Variants in MACF1 observed in about 807,000 individuals in gnomAD.
The protein encoded by MACF1 is microtubule-actin cross-linking factor 1.
A neutral mutation model predicts 854.8 loss-of-function variants in MACF1; 193 were observed. That is an observed-to-expected ratio of 0.23 (90% CI 0.20 to 0.25). The LOEUF is 0.25. MACF1 is among the 10% of genes least tolerant of loss of function. The pLI is 1.00. For synonymous variants in MACF1, 3,185 were observed against 3,226.7 expected (o/e 0.99, Z 0.44); for missense variants, 7,722 against 8,929.1 (o/e 0.86, Z 5.45).
chr1:39,431,647 A>G (rs1294578434), intron 66 of MACF1, among the ~76,000 whole-genome samples: 2 of 152,114 alleles, frequency 1.3e-5, no homozygotes, highest in Non-Finnish European at 2.9e-5. Context: ...GTAAGTGTAT[A>G]TTGGCCAAGT....
intron 58 of MACF1, among the ~76,000 whole-genome samples, chr1:39,391,050 G>A (rs1642014284): frequency 6.6e-6 from 1 of 151,688 alleles, no homozygotes. Context: ...GGTGGAGCTT[G>A]CAGTGAGCCA....
intron 4 of MACF1, among the ~76,000 whole-genome samples, chr1:39,252,896 G>A (rs537892725): frequency 2.7e-4 from 41 of 152,276 alleles, no homozygotes; most frequent in African/African-American, 9.9e-4. Flanking sequence ...CCCAGAAGAT[G>A]CTTCCATCCT....
intron 2 of MACF1, among the ~76,000 whole-genome samples, chr1:39,198,576 G>A (rs926958460): frequency 1.4e-4 from 21 of 151,062 alleles, no homozygotes; most frequent in Non-Finnish European, 2.4e-4. Context: ...GCTTGGAGCC[G>A]GGAGACGGAG....
chr1:39,390,743 GAAT>G (rs1242170753), intron 58 of MACF1, among the ~76,000 whole-genome samples: 4 of 152,146 alleles, frequency 2.6e-5, no homozygotes, highest in Non-Finnish European at 4.4e-5. Flanking sequence ...AGGCTATTTA[GAAT>G]TAACCATCTA....
chr1:39,187,895 T>TCTGTCTCTCTCTCTCTC (rs1553160207), intron 2 of MACF1, among the ~76,000 whole-genome samples: 4 of 68,398 alleles, frequency 5.8e-5, no homozygotes, highest in Non-Finnish European at 1.1e-4. Flanking sequence ...TCTCTCTCTC[T>TCTGTCTCTCTCTCTCTC]CTCTCTCCTC....
At chr1:39,399,601 T>C (rs1403594743) in intron 58 of MACF1, among the ~76,000 whole-genome samples, 2 of 152,108 alleles carry the variant, frequency 1.3e-5, no homozygotes, top group East Asian at 3.9e-4. Context: ...GGTCTCGAAC[T>C]CCTGACCTCA....
At chr1:39,176,843 T>A (rs974433510) in intron 2 of MACF1, among the ~76,000 whole-genome samples, 1 of 152,212 alleles carries the variant, frequency 6.6e-6, no homozygotes, top group Non-Finnish European at 1.5e-5. Flanking sequence ...TACAGTTGAA[T>A]GCCTTTCCTC....
chr1:39,359,501 T>G (rs1329180516), intron 47 of MACF1, among the ~76,000 whole-genome samples: 2 of 152,212 alleles, frequency 1.3e-5, no homozygotes, highest in Non-Finnish European at 2.9e-5. Flanking sequence ...ACATCTATCT[T>G]CTAGCCACAT....
intron 2 of MACF1, among the ~76,000 whole-genome samples, chr1:39,180,934 T>C (rs968570021): frequency 6.6e-6 from 1 of 152,122 alleles, no homozygotes; most frequent in Non-Finnish European, 1.5e-5. Flanking sequence ...TGAGACAGGG[T>C]CTGGCTCTGT....
Position 39,435,755 on chromosome 1 carries a change from C to T in MACF1, c.17982C>T (p.Ser5994=), listed in dbSNP as rs764416162. 75 of 1,613,914 alleles carry T rather than the reference C, an allele frequency of 4.6e-5. No individual in the cohort carries two copies. Among genetic ancestry groups the T allele is most frequent in the Admixed American group, 1.2e-4 (7 of 59,994 alleles). Residue 5994 remains serine (S), a synonymous_variant, in exon 70 of 101, where the codon TCC becomes TCT. Transcript: ENST00000564288. ...CTCTGGATGAAGCCGTGTCCCAGTC[C>T]ACACAGGTATGTGTGTGTCTGACAC... ...ALALDEAVSQ[S]TQFHDKIEPM...
intron 1 of MACF1, among the ~76,000 whole-genome samples, chr1:39,219,385 A>T (rs768361870): frequency 5.3e-5 from 8 of 152,224 alleles, no homozygotes; most frequent in Non-Finnish European, 1.2e-4. Flanking sequence ...CTTTCTGAGC[A>T]TGAATTTGCT....
chr1:39,286,935 T>A (rs556535051), intron 14 of MACF1, among the ~76,000 whole-genome samples: 5 of 152,194 alleles, frequency 3.3e-5, no homozygotes, highest in Non-Finnish European at 5.9e-5. Flanking sequence ...ACACTTTTCC[T>A]TCTATGATCT....
At chr1:39,271,588 C>A (rs541047748) in intron 6 of MACF1, among the ~76,000 whole-genome samples, 2 of 152,212 alleles carry the variant, frequency 1.3e-5, no homozygotes, top group South Asian at 4.1e-4. Context: ...AAAAGAATGT[C>A]AAAGTCAACT....
chr1:39,106,784 G>C (rs1642251330), intron 2 of MACF1, among the ~76,000 whole-genome samples: 1 of 137,396 alleles, frequency 7.3e-6, no homozygotes, highest in Non-Finnish European at 1.6e-5. Context: ...GCTGTAAAAC[G>C]CCCCCCCTCT....
intron 6 of MACF1, among the ~76,000 whole-genome samples, chr1:39,280,727 G>A (rs916463378): frequency 3.3e-5 from 5 of 152,054 alleles, no homozygotes; most frequent in African/African-American, 1.2e-4. Context: ...ACAGGTGCGT[G>A]CCACCATGCC....
chr1:39,438,085 G>GATTT, intron 71 of MACF1, 77 bp downstream of exon 71: 2 of 1,322,560 alleles, frequency 1.5e-6, no homozygotes, highest in Non-Finnish European at 2.1e-6. Context: ...CATCCCACCA[G>GATTT]ATTTATTTAT....
At chr1:39,213,133 T>A (rs1450806487) in intron 1 of MACF1, among the ~76,000 whole-genome samples, 1 of 152,226 alleles carries the variant, frequency 6.6e-6, no homozygotes, top group Non-Finnish European at 1.5e-5. Flanking sequence ...TTTTTATCTC[T>A]AAAATGGAAA....
rs376076785 is a variant in MACF1 at position 39,295,357 on chromosome 1, G to A, written c.2259+207G>A. On this transcript the variant is annotated intron_variant, in intron 19 of 100. Transcript: ENST00000564288. ...TGTTAGTCTAAGGAAACTACTAAGA[G>A]AAACAATAGAAGGGGCATTGGCTCA... is the stretch of plus-strand genomic sequence containing the variant. Among the ~76,000 whole-genome samples the A allele has an allele frequency of 2.6e-4, 40 of 152,310 alleles. No homozygotes were observed. The East Asian group carries it at 3.9e-3, about 15-fold the overall frequency.
At chr1:39,123,203 A>ATTTTT (rs10585991) in intron 2 of MACF1, among the ~76,000 whole-genome samples, 52 of 111,904 alleles carry the variant, frequency 4.6e-4, no homozygotes, top group East Asian at 1.6e-3. Context: ...ATATATATAA[A>ATTTTT]TTTTTTTTTT....
Sources: allele counts gnomAD v4.1 joint callset (sites outside exome capture counted in the v4.1 genomes callset), GRCh38; gene constraint gnomAD v4.1.1; transcripts MANE v1.5; gene names NCBI Gene and HGNC (gene_info 2026-07-23, HGNC 2026-07-21).